ATP2B2: variants seen among roughly 807,000 people sequenced by gnomAD.
ATP2B2 encodes plasma membrane calcium-transporting ATPase 2.
ATP2B2 carries 15 observed loss-of-function variants against 120.0 expected under a neutral mutation model. That is an observed-to-expected ratio of 0.12 (90% CI 0.08 to 0.19). The LOEUF is 0.19. Among genes scored for constraint, ATP2B2 ranks in the 10% least tolerant of loss-of-function variants. The probability of loss-of-function intolerance (pLI) is 1.00; values close to 1 mark genes in which losing one functional copy is unlikely to be tolerated. For missense variants in ATP2B2, 1,045 were observed against 1,719.8 expected, an observed-to-expected ratio of 0.61 and a Z score of 6.94; for synonymous variants, 694 against 700.3, an observed-to-expected ratio of 0.99 and a Z score of 0.14.
At chr3:10,579,415 G>C (rs2068331904) in intron 2 of ATP2B2, among the ~76,000 whole-genome samples, 1 of 152,208 alleles carries the variant, frequency 6.6e-6, no homozygotes, top group Admixed American at 6.5e-5. Flanking sequence ...GCTCACGCCT[G>C]TAATCCCAGC....
chr3:10,515,331 T>C (rs2066855847), intron 3 of ATP2B2, among the ~76,000 whole-genome samples: 1 of 152,228 alleles, frequency 6.6e-6, no homozygotes, highest in Admixed American at 6.5e-5. Flanking sequence ...TTTTCATCTC[T>C]ATTCTGCAAA....
intron 2 of ATP2B2, among the ~76,000 whole-genome samples, chr3:10,573,518 T>G (rs894822205): frequency 2.6e-5 from 4 of 152,098 alleles, no homozygotes; most frequent in Non-Finnish European, 5.9e-5. Context: ...GGTCTCAAAT[T>G]TTGGTCAATT....
At chr3:10,542,522 T>C (rs903764891) in intron 2 of ATP2B2, among the ~76,000 whole-genome samples, 1 of 152,224 alleles carries the variant, frequency 6.6e-6, no homozygotes, top group Non-Finnish European at 1.5e-5. Flanking sequence ...TCTTTTAGGA[T>C]AGGTCTTCTG....
intron 2 of ATP2B2, among the ~76,000 whole-genome samples, chr3:10,436,555 AG>A (rs528229117): frequency 6.1e-4 from 93 of 152,346 alleles, no homozygotes; most frequent in Non-Finnish European, 1.1e-3. Context: ...AAGCTTTTGT[AG>A]TGGATTTTTC....
rs370282987 is a variant in ATP2B2 at position 10,417,151 on chromosome 3, C to T, written c.200-6336G>A. On this transcript the variant is annotated intron_variant, in intron 2 of 22. Coordinates refer to ENST00000360273, the MANE Select transcript of ATP2B2 (RefSeq NM_001001331.4). ...GGGACCCCTCACTTCCCAGATGGGGCGGTGGCCAGGCAGAGGGACTCCTCA... is the reference window on the plus strand; with the variant it reads ...GGGACCCCTCACTTCCCAGATGGGGTGGTGGCCAGGCAGAGGGACTCCTCA... Among the ~76,000 whole-genome samples the T allele has an allele frequency of 3.8e-3, 547 of 144,042 alleles. 8 individuals are homozygous for T. Among genetic ancestry groups the T allele is most frequent in the African/African-American group, 0.013 (464 of 36,510 alleles). 94.5% of individuals were successfully genotyped at this position (144,042 alleles called of 152,430 possible). A position where few individuals can be genotyped will look rare whatever the true frequency, so the allele number is the denominator to read the frequency against.
intron 1 of ATP2B2, among the ~76,000 whole-genome samples, chr3:10,466,295 C>T (rs1410187402): frequency 1.3e-5 from 2 of 152,218 alleles, no homozygotes; most frequent in African/African-American, 4.8e-5. Context: ...CTCTTGTCCA[C>T]TGAAGTTCAT....
At position 10,379,212 on chromosome 3, in the gene ATP2B2, C is replaced by T. The variant is rs370800227; in HGVS notation, c.1042+31G>A. The T allele has an allele frequency of 6.0e-5, 97 of 1,610,946 alleles. 1 individual carries two copies. The highest frequency in any genetic ancestry group is 3.1e-4 in the East Asian group (14 of 44,856). On this transcript the variant is annotated intron_variant, in intron 9 of 22. Coordinates refer to ENST00000360273, the MANE Select transcript of ATP2B2 (RefSeq NM_001001331.4). ...AGCCGGTGGGGAGGGGCCTCAGGGA[C>T]GACAAACGCCGGTTAAAACAAAAGG...
intron 3 of ATP2B2, among the ~76,000 whole-genome samples, chr3:10,512,464 G>GCGCGCGCGCACACACACACACACACACA (rs749056818): frequency 3.6e-5 from 5 of 137,018 alleles, no homozygotes; most frequent in East Asian, 4.5e-4. Flanking sequence ...AAGTGTGTGC[G>GCGCGCGCGCACACACACACACACACACA]CACACACACA....
Position 10,325,313 on chromosome 3 carries a change from G to A in ATP2B2, c.*3501C>T, listed in dbSNP as rs1392833027. ...GAAATTTTGTAAAAGAAGAGTGAAG[G>A]GACTCATCCCACCACATAATAAGAC... On this transcript the variant is annotated 3_prime_UTR_variant, in exon 23 of 23. Coordinates refer to ENST00000360273, the MANE Select transcript of ATP2B2 (RefSeq NM_001001331.4). 6.6e-6 allele frequency: 1 copy of A among 151,984 alleles called. No individual in the cohort carries two copies. Among genetic ancestry groups the A allele is most frequent in the Non-Finnish European group, 1.5e-5 (1 of 68,010 alleles). 9.4% of individuals were successfully genotyped at this position (151,984 alleles called of 1,614,324 possible). A position where few individuals can be genotyped will look rare whatever the true frequency, so the allele number is the denominator to read the frequency against.
intron 1 of ATP2B2, among the ~76,000 whole-genome samples, chr3:10,479,295 C>T (rs1237204907): frequency 6.6e-6 from 1 of 151,688 alleles, no homozygotes; most frequent in Non-Finnish European, 1.5e-5. Context: ...CTCCTTCAGC[C>T]CCCAAGAACC....
chr3:10,684,358 T>C (rs936256188), intron 1 of ATP2B2, among the ~76,000 whole-genome samples: 1 of 152,250 alleles, frequency 6.6e-6, no homozygotes, highest in Non-Finnish European at 1.5e-5. Context: ...AGAGGAAAAC[T>C]GAGCCCTAGT....
intron 1 of ATP2B2, among the ~76,000 whole-genome samples, chr3:10,491,487 A>G (rs1461515408): frequency 6.6e-6 from 1 of 152,128 alleles, no homozygotes; most frequent in African/African-American, 2.4e-5. Flanking sequence ...TGGCCTCCCA[A>G]TGTGCTGGGA....
At chr3:10,655,328 C>A (rs2125671882) in intron 1 of ATP2B2, among the ~76,000 whole-genome samples, 1 of 100,358 alleles carries the variant, frequency 1.0e-5, no homozygotes, top group South Asian at 3.0e-4. Flanking sequence ...AACGCCCCTG[C>A]ACCAAGAACA....
chr3:10,353,949 A>G (rs1280194006), intron 14 of ATP2B2, among the ~76,000 whole-genome samples: 11 of 152,166 alleles, frequency 7.2e-5, no homozygotes, highest in Admixed American at 7.2e-4. Flanking sequence ...CACGCACAGG[A>G]TGGGCACGTG....
upstream of ATP2B2, among the ~76,000 whole-genome samples, chr3:10,508,712 T>TA (rs1250232940): frequency 6.6e-6 from 1 of 152,214 alleles, no homozygotes; most frequent in African/African-American, 2.4e-5. Context: ...CAGGATGTGT[T>TA]GGGGGGCAGG....
intron 22 of ATP2B2, among the ~76,000 whole-genome samples, chr3:10,335,746 C>A (rs1234442442): frequency 6.6e-6 from 1 of 152,208 alleles, no homozygotes; most frequent in Non-Finnish European, 1.5e-5. Flanking sequence ...CTTTTCCTGA[C>A]CACATATGAC....
rs140774612 is a variant in ATP2B2 at position 10,623,467 on chromosome 3, TGAAAG to T, written c.-459-3511_-459-3507del. 7.1e-3 allele frequency among the ~76,000 whole-genome samples: 1,077 copies of T among 152,158 alleles called. 11 individuals carry two copies. Among genetic ancestry groups the T allele is most frequent in the African/African-American group, 0.024 (1,015 of 41,500 alleles). On this transcript the variant is annotated intron_variant, in intron 1 of 21. Transcript: ENST00000646379. ...TCTCACACAGCCCAAAAACAAAACT[TGAAAG>T]GAAGAATGGAAGGGAAGAAATCAGG... is the stretch of plus-strand genomic sequence containing the variant.
rs58615119 is a variant in ATP2B2, at chr3:10,382,197, A to ATTTTTTTTTTT, written c.1001-2924_1001-2914dup. ...TGTGCCACTATACCCAGCTAATTAAATTTTTTTTTTTTTTTTTTTGTAGAG... is the reference window on the plus strand; with the variant it reads ...TGTGCCACTATACCCAGCTAATTAAATTTTTTTTTTTTTTTTTTTTTTTTTTTTTTGTAGAG... On this transcript the variant is annotated intron_variant, in intron 8 of 22. Coordinates refer to ENST00000360273, the MANE Select transcript of ATP2B2 (RefSeq NM_001001331.4). Among the ~76,000 whole-genome samples the ATTTTTTTTTTT allele has an allele frequency of 4.8e-4, 59 of 122,300 alleles. 1 individual carries two copies. The highest frequency in any genetic ancestry group is 1.0e-3 in the East Asian group (4 of 3,934). The allele number at this position is 122,300 out of a possible 152,430, so 80.2% of individuals were successfully genotyped here.
intron 3 of ATP2B2, among the ~76,000 whole-genome samples, chr3:10,525,854 A>C (rs1427105414): frequency 6.6e-6 from 1 of 152,044 alleles, no homozygotes; most frequent in African/African-American, 2.4e-5. Flanking sequence ...AATTTGCCAC[A>C]GTCCCCAGGA....
Sources: allele counts gnomAD v4.1 joint callset (sites outside exome capture counted in the v4.1 genomes callset), GRCh38; gene constraint gnomAD v4.1.1; transcripts MANE v1.5; gene names NCBI Gene and HGNC (gene_info 2026-07-23, HGNC 2026-07-21).